The following PTPRD variants were observed in gnomAD, a reference collection of about 807,000 sequenced individuals.
PTPRD encodes protein tyrosine phosphatase receptor type D.
PTPRD carries 34 observed loss-of-function variants against 214.5 expected under a neutral mutation model. The observed-to-expected ratio is 0.16, with a 90% confidence interval of 0.12 to 0.21. The LOEUF (loss-of-function observed/expected upper bound fraction) is 0.21, where lower values mean the gene tolerates loss of function less well. Among genes scored for constraint, PTPRD ranks in the 10% least tolerant of loss-of-function variants. The pLI is 1.00. For synonymous variants in PTPRD, 1,128 were observed against 845.7 expected (o/e 1.33, Z -5.79); for missense variants, 2,545 against 2,398.7 (o/e 1.06, Z -1.27).
chr9:9,715,266 G>T (rs1246241617), intron 7 of PTPRD, among the ~76,000 whole-genome samples: 1 of 152,130 alleles, frequency 6.6e-6, no homozygotes, highest in African/African-American at 2.4e-5. Context: ...TTTGAAGGAA[G>T]ACAATACATT....
intron 11 of PTPRD, among the ~76,000 whole-genome samples, chr9:8,750,309 C>G (rs2093386358): frequency 6.6e-6 from 1 of 151,874 alleles, no homozygotes; most frequent in South Asian, 2.1e-4. Flanking sequence ...AGGCGCGGGC[C>G]ACCACGCCCG....
At chr9:8,840,810 G>T (rs2097543609) in intron 11 of PTPRD, among the ~76,000 whole-genome samples, 1 of 151,994 alleles carries the variant, frequency 6.6e-6, no homozygotes, top group African/African-American at 2.4e-5. Context: ...CCCTTTCAGT[G>T]GGACTTAGCA....
intron 3 of PTPRD, among the ~76,000 whole-genome samples, chr9:10,098,915 C>G (rs2098523068): frequency 6.6e-6 from 1 of 151,710 alleles, no homozygotes; most frequent in South Asian, 2.1e-4. Context: ...TTTCTCATTT[C>G]TACAGGTTAA....
chr9:10,225,114 C>G (rs62538590), intron 3 of PTPRD, among the ~76,000 whole-genome samples: 19,909 of 151,842 alleles, frequency 0.13, 1,375 homozygotes, highest in Middle Eastern at 0.14. Context: ...TAACATTAAT[C>G]TATAGCTCCA....
At chr9:10,571,034 A>G (rs893319961) in intron 2 of PTPRD, among the ~76,000 whole-genome samples, 1 of 152,188 alleles carries the variant, frequency 6.6e-6, no homozygotes, top group African/African-American at 2.4e-5. Flanking sequence ...TGGCATTTCC[A>G]TTAATCTTCC....
intron 3 of PTPRD, among the ~76,000 whole-genome samples, chr9:10,226,955 G>A (rs931527056): frequency 6.6e-6 from 1 of 151,798 alleles, no homozygotes; most frequent in African/African-American, 2.4e-5. Context: ...TAGATACAAG[G>A]AATATAATGT....
intron 9 of PTPRD, among the ~76,000 whole-genome samples, chr9:9,284,993 A>G (rs899106905): frequency 6.6e-6 from 1 of 151,772 alleles, no homozygotes; most frequent in Non-Finnish European, 1.5e-5. Flanking sequence ...ACCAAATATG[A>G]TTGCTATTAT....
chr9:9,615,237 T>TG (rs568882083), intron 7 of PTPRD, among the ~76,000 whole-genome samples: 110 of 152,272 alleles, frequency 7.2e-4, no homozygotes, highest in Non-Finnish European at 1.3e-3. Flanking sequence ...CACCAAGTAG[T>TG]TGCTCCTCCT....
chr9:9,178,674 A>T (rs555963535), intron 10 of PTPRD, among the ~76,000 whole-genome samples: 4 of 152,096 alleles, frequency 2.6e-5, no homozygotes, highest in Non-Finnish European at 4.4e-5. Context: ...ACCTCCATAC[A>T]AGTCATTACA....
chr9:9,561,462 A>G (rs1025604851), intron 8 of PTPRD, among the ~76,000 whole-genome samples: 2 of 152,226 alleles, frequency 1.3e-5, no homozygotes, highest in African/African-American at 2.4e-5. Flanking sequence ...AATATTTTAC[A>G]TAATTTGACT....
chr9:9,564,275 T>C (rs1350354424), intron 8 of PTPRD, among the ~76,000 whole-genome samples: 1 of 152,060 alleles, frequency 6.6e-6, no homozygotes, highest in Non-Finnish European at 1.5e-5. Context: ...TCTGATGAGC[T>C]TTCCAAATGA....
At chr9:10,377,215 T>C (rs7862853) in intron 2 of PTPRD, among the ~76,000 whole-genome samples, 6,142 of 152,106 alleles carry the variant, frequency 0.04, 420 homozygotes, top group African/African-American at 0.14. Flanking sequence ...TCCATCCATG[T>C]TGTTGCAAAT....
chr9:10,389,088 C>T (rs1318306495), intron 2 of PTPRD, among the ~76,000 whole-genome samples: 4 of 151,814 alleles, frequency 2.6e-5, no homozygotes, highest in Non-Finnish European at 4.4e-5. Context: ...CAAAGATTTT[C>T]AAATAATTGT....
intron 8 of PTPRD, among the ~76,000 whole-genome samples, chr9:9,411,970 G>A (rs534694905): frequency 6.6e-6 from 1 of 152,150 alleles, no homozygotes; most frequent in South Asian, 2.1e-4. Flanking sequence ...GCCAGGAAAA[G>A]GTCAGTGAAG....
At chr9:10,575,188 G>T (rs2068811666) in intron 2 of PTPRD, among the ~76,000 whole-genome samples, 1 of 151,790 alleles carries the variant, frequency 6.6e-6, no homozygotes, top group Admixed American at 6.6e-5. Flanking sequence ...AAAATAGGTA[G>T]GTCCTTTCAA....
chr9:10,453,938 T>A (rs927308744), intron 2 of PTPRD, among the ~76,000 whole-genome samples: 6 of 151,682 alleles, frequency 4.0e-5, no homozygotes, highest in Admixed American at 1.3e-4. Flanking sequence ...AGGCTTGTCA[T>A]ATATGGCCTT....
At chr9:9,402,872 T>A (rs1053529397) in intron 8 of PTPRD, among the ~76,000 whole-genome samples, 1 of 148,270 alleles carries the variant, frequency 6.7e-6, no homozygotes, top group African/African-American at 2.5e-5. Context: ...TTATCCATAA[T>A]GTTGCTCAGA....
At chr9:8,982,515 T>C (rs907213890) in intron 11 of PTPRD, among the ~76,000 whole-genome samples, 5 of 144,564 alleles carry the variant, frequency 3.5e-5, no homozygotes, top group Non-Finnish European at 6.0e-5. Context: ...AGTGTTCAAA[T>C]ATGGCATCTA....
chr9:9,873,649 C>G (rs184216536), intron 5 of PTPRD, among the ~76,000 whole-genome samples: 34 of 152,194 alleles, frequency 2.2e-4, no homozygotes, highest in African/African-American at 6.7e-4. Context: ...AATATAACAG[C>G]AAATTAGAAT....
Sources: gnomAD v4.1 joint callset for allele counts (sites outside exome capture counted in the v4.1 genomes callset) on GRCh38, gnomAD v4.1.1 for gene constraint, MANE v1.5 for transcripts, NCBI Gene and HGNC (gene_info 2026-07-23, HGNC 2026-07-21) for gene names.